IQGAP1: variants seen among roughly 807,000 people sequenced by gnomAD.
The protein encoded by IQGAP1 is ras GTPase-activating-like protein IQGAP1.
IQGAP1 carries 66 observed loss-of-function variants against 215.6 expected under a neutral mutation model. The observed-to-expected ratio is 0.31, with a 90% confidence interval of 0.25 to 0.38. The LOEUF is 0.38. Ranked by LOEUF, IQGAP1 falls within the 10% of genes least tolerant of loss-of-function variation. The pLI is 1.00. For missense variants in IQGAP1, 1,712 were observed against 1,997.1 expected (o/e 0.86, Z 2.72); for synonymous variants, 772 against 728.7 (o/e 1.06, Z -0.96).
At position 90,419,904 on chromosome 15, in the gene IQGAP1, C is replaced by T. The variant is rs564550530; in HGVS notation, c.156-6206C>T. 4.6e-5 allele frequency among the ~76,000 whole-genome samples: 7 copies of T among 152,318 alleles called. No homozygotes were observed. The East Asian group carries it at 5.8e-4, about 13-fold the overall frequency. Reference sequence around the variant, plus strand: ...AGAAAGTTCAGAGATGAGCAAAAGACGTGAGGGGGCAGAGATGATGTCTAA... The same window carrying T: ...AGAAAGTTCAGAGATGAGCAAAAGATGTGAGGGGGCAGAGATGATGTCTAA... On this transcript the variant is annotated intron_variant, in intron 2 of 37. Transcript: ENST00000268182.
rs527597047 is a variant in IQGAP1 at position 90,417,662 on chromosome 15, G to C, written c.156-8448G>C. 3.7e-4 allele frequency among the ~76,000 whole-genome samples: 57 copies of C among 152,268 alleles called. 1 individual carries two copies. The highest frequency in any genetic ancestry group is 1.3e-3 in the African/African-American group (54 of 41,572). ...CAGGTAGCATGATGCTTCCAGCTTT[G>C]TTCTTTTGGCTTAGGATTGTCTTGG... On this transcript the variant is annotated intron_variant, in intron 2 of 37. Transcript: ENST00000268182.
intron 36 of IQGAP1, among the ~76,000 whole-genome samples, chr15:90,495,382 GGA>G (rs1491448130): frequency 6.9e-6 from 1 of 144,778 alleles, no homozygotes; most frequent in East Asian, 2.5e-4. Flanking sequence ...GTTTAGGGGG[GGA>G]AAAAAAACAA....
At chr15:90,476,858 A>C in intron 24 of IQGAP1, 40 bp downstream of exon 24, 1 of 1,570,604 alleles carries the variant, frequency 6.4e-7, no homozygotes, top group Non-Finnish European at 8.6e-7. Context: ...AAATTTAGTG[A>C]ATTTATTTTT....
chr15:90,474,355 C>T, intron 22 of IQGAP1, 130 bp from the exon 23 acceptor site: 2 of 831,098 alleles, frequency 2.4e-6, no homozygotes, highest in South Asian at 1.6e-5. Context: ...GAAGACTGCA[C>T]CTGATAGTTG....
chr15:90,487,930 G>T (rs1041432581), intron 33 of IQGAP1, among the ~76,000 whole-genome samples: 13 of 152,010 alleles, frequency 8.6e-5, no homozygotes, highest in Admixed American at 1.3e-4. Flanking sequence ...ATATAAAATG[G>T]TGTAGTATTT....
chr15:90,424,205 T>C (rs1215535508), intron 2 of IQGAP1, among the ~76,000 whole-genome samples: 1 of 152,160 alleles, frequency 6.6e-6, no homozygotes, highest in East Asian at 1.9e-4. Context: ...AAAGATGAGA[T>C]GTGTCCTTGA....
intron 5 of IQGAP1, among the ~76,000 whole-genome samples, chr15:90,439,104 C>G (rs1965412208): frequency 6.6e-6 from 1 of 151,740 alleles, no homozygotes; most frequent in African/African-American, 2.4e-5. Context: ...CAGTCCAGTG[C>G]TCTTTGCATT....
At chr15:90,430,147 TG>T (rs1408290250) in intron 4 of IQGAP1, among the ~76,000 whole-genome samples, 8 of 152,214 alleles carry the variant, frequency 5.3e-5, no homozygotes, top group Non-Finnish European at 1.2e-4. Context: ...GATCTGTTTT[TG>T]GTCATGGCTG....
chr15:90,484,055 C>G (rs1966093399), intron 29 of IQGAP1, among the ~76,000 whole-genome samples, 165 bp from the exon 30 acceptor site: 1 of 152,202 alleles, frequency 6.6e-6, no homozygotes, highest in African/African-American at 2.4e-5. Context: ...ATTCGAACCA[C>G]TATCCCAAGG....
At position 90,486,105 on chromosome 15, in the gene IQGAP1, G is replaced by A. The variant is rs918402334; in HGVS notation, c.3997G>A (p.Glu1333Lys). Residue 1333 changes from glutamate (E) to lysine (K), a missense_variant, in exon 31 of 38, where the codon GAG (glutamate) becomes AAG (lysine). Transcript: ENST00000268182. ...PIHELLDDLGEVPTIESLIGE... is the reference protein window; with the variant it reads ...PIHELLDDLGKVPTIESLIGE... Reference sequence around the variant, plus strand: ...CCACGAACTGCTGGACGACCTCGGCGAGGTGCCCACCATCGAGTCCCTGAT... The same window carrying A: ...CCACGAACTGCTGGACGACCTCGGCAAGGTGCCCACCATCGAGTCCCTGAT... The A allele has an allele frequency of 1.2e-6, 2 of 1,613,636 alleles. No individual in the cohort carries two copies. Among genetic ancestry groups the A allele is most frequent in the African/African-American group, 1.3e-5 (1 of 74,884 alleles).
At chr15:90,485,926 G>A in intron 30 of IQGAP1, 104 bp from the exon 31 acceptor site, 2 of 787,054 alleles carry the variant, frequency 2.5e-6, no homozygotes, top group Admixed American at 2.5e-5. Context: ...TTGAATATAG[G>A]AACTTTGTTG....
intron 2 of IQGAP1, among the ~76,000 whole-genome samples, chr15:90,409,834 CGA>C (rs1964933334): frequency 2.0e-5 from 3 of 152,150 alleles, no homozygotes; most frequent in Non-Finnish European, 2.9e-5. Context: ...TTTTAATGAG[CGA>C]CATTCTAACT....
chr15:90,476,343 T>G (rs1050014305), intron 23 of IQGAP1, among the ~76,000 whole-genome samples: 15 of 152,226 alleles, frequency 9.9e-5, no homozygotes, highest in African/African-American at 3.6e-4. Flanking sequence ...GCGTTTATTA[T>G]AAATAACATT....
chr15:90,454,650 G>A, intron 14 of IQGAP1, 98 bp downstream of exon 14: 1 of 1,321,490 alleles, frequency 7.6e-7, no homozygotes, highest in South Asian at 1.6e-5. Flanking sequence ...GGATTTTTGG[G>A]TGAGAGATTG....
At chr15:90,431,439 A>C (rs146405300) in intron 4 of IQGAP1, among the ~76,000 whole-genome samples, 1 of 152,238 alleles carries the variant, frequency 6.6e-6, no homozygotes, top group Non-Finnish European at 1.5e-5. Context: ...TTTTTTATAT[A>C]GTATATTGCC....
intron 2 of IQGAP1, among the ~76,000 whole-genome samples, chr15:90,404,661 C>T (rs1004931658): frequency 3.3e-5 from 5 of 152,024 alleles, no homozygotes; most frequent in African/African-American, 4.8e-5. Context: ...TGCAGTGGCC[C>T]GATCTTGGCC....
intron 2 of IQGAP1, among the ~76,000 whole-genome samples, chr15:90,394,270 A>C (rs1273302131): frequency 6.6e-6 from 1 of 151,650 alleles, no homozygotes; most frequent in African/African-American, 2.4e-5. Flanking sequence ...GCATCATGGA[A>C]AGGTGCCTGG....
intron 31 of IQGAP1, chr15:90,486,447 G>A (rs772927717): frequency 8.9e-6 from 2 of 225,348 alleles, no homozygotes; most frequent in East Asian, 1.2e-4. Flanking sequence ...GAATTTTTTT[G>A]TTTGTTTGTT....
chr15:90,485,032 A>G (rs1270045748), intron 30 of IQGAP1, among the ~76,000 whole-genome samples: 4 of 152,136 alleles, frequency 2.6e-5, no homozygotes, highest in Non-Finnish European at 5.9e-5. Flanking sequence ...TTTTTCTAAC[A>G]TGATCTAGAA....
Sources: allele counts gnomAD v4.1 joint callset (sites outside exome capture counted in the v4.1 genomes callset), GRCh38; gene constraint gnomAD v4.1.1; transcripts MANE v1.5; gene names NCBI Gene and HGNC (gene_info 2026-07-23, HGNC 2026-07-21).